HS6ST3: variants seen among roughly 807,000 people sequenced by gnomAD.
HS6ST3 encodes the protein heparan sulfate 6-O-sulfotransferase 3.
Under a neutral mutation model 36.7 loss-of-function variants are expected in HS6ST3, and 12 were observed. The ratio of observed to expected loss-of-function variants is 0.33; its 90% CI spans 0.21 to 0.53. The LOEUF (loss-of-function observed/expected upper bound fraction) is 0.53. Among genes scored for constraint, HS6ST3 ranks in the 20% least tolerant of loss-of-function variants. The pLI, the probability that HS6ST3 is intolerant of heterozygous loss-of-function variation, is 0.95. For missense variants in HS6ST3, 584 were observed against 640.9 expected (o/e 0.91, Z 0.96); for synonymous variants, 240 against 257.5 (o/e 0.93, Z 0.65).
chr13:96,713,156 C>G (rs1025671216), intron 1 of HS6ST3, among the ~76,000 whole-genome samples: 8 of 151,986 alleles, frequency 5.3e-5, no homozygotes, highest in African/African-American at 9.7e-5. Flanking sequence ...CACATCTGTC[C>G]CAAGCTACAA....
chr13:96,177,377 C>T (rs1333217131), intron 1 of HS6ST3, among the ~76,000 whole-genome samples: 1 of 152,080 alleles, frequency 6.6e-6, no homozygotes, highest in Non-Finnish European at 1.5e-5. Flanking sequence ...CACCTAAATG[C>T]CCATCAATGA....
intron 1 of HS6ST3, among the ~76,000 whole-genome samples, chr13:96,461,560 A>G (rs1338245234): frequency 6.6e-6 from 1 of 152,222 alleles, no homozygotes; most frequent in Non-Finnish European, 1.5e-5. Context: ...ACTGACAAAA[A>G]TATATTTTAA....
At chr13:96,165,818 C>T (rs1412559603) in intron 1 of HS6ST3, among the ~76,000 whole-genome samples, 1 of 152,092 alleles carries the variant, frequency 6.6e-6, no homozygotes, top group Non-Finnish European at 1.5e-5. Flanking sequence ...AGAATACGGT[C>T]CTCCCTTAGG....
At chr13:96,571,211 T>G (rs1367668177) in intron 1 of HS6ST3, among the ~76,000 whole-genome samples, 5 of 152,228 alleles carry the variant, frequency 3.3e-5, no homozygotes, top group Non-Finnish European at 7.3e-5. Flanking sequence ...GGCACGTTGG[T>G]CAACTCTGCT....
chr13:96,365,591 T>C (rs2055259133), intron 1 of HS6ST3, among the ~76,000 whole-genome samples: 1 of 152,248 alleles, frequency 6.6e-6, no homozygotes, highest in Non-Finnish European at 1.5e-5. Flanking sequence ...ACTTATATTC[T>C]ATGATTCTTC....
At chr13:96,184,945 T>A (rs1311148922) in intron 1 of HS6ST3, among the ~76,000 whole-genome samples, 1 of 152,202 alleles carries the variant, frequency 6.6e-6, no homozygotes, top group African/African-American at 2.4e-5. Flanking sequence ...AGATATTCAG[T>A]GAATTGACTG....
chr13:96,588,068 T>C (rs1048355085), intron 1 of HS6ST3, among the ~76,000 whole-genome samples: 1 of 152,192 alleles, frequency 6.6e-6, no homozygotes, highest in Non-Finnish European at 1.5e-5. Context: ...TCTTAGTCAA[T>C]AGAAAATGTT....
At chr13:96,378,075 T>C (rs1414751700) in intron 1 of HS6ST3, among the ~76,000 whole-genome samples, 3 of 152,270 alleles carry the variant, frequency 2.0e-5, no homozygotes, top group South Asian at 2.1e-4. Flanking sequence ...TTTGTCAGTA[T>C]TGGGGAAGGT....
At chr13:96,231,483 G>A (rs1025225512) in intron 1 of HS6ST3, among the ~76,000 whole-genome samples, 1 of 152,112 alleles carries the variant, frequency 6.6e-6, no homozygotes, top group African/African-American at 2.4e-5. Flanking sequence ...GGGGAAGCAG[G>A]TGTGTCTTAC....
At chr13:96,595,460 T>TTCTC (rs984709531) in intron 1 of HS6ST3, among the ~76,000 whole-genome samples, 1 of 151,320 alleles carries the variant, frequency 6.6e-6, no homozygotes, top group South Asian at 2.1e-4. Context: ...AGGATTTTTT[T>TTCTC]TCTCTCTCTC....
chr13:96,270,144 A>G (rs2054712809), intron 1 of HS6ST3, among the ~76,000 whole-genome samples: 1 of 151,848 alleles, frequency 6.6e-6, no homozygotes. Context: ...GAGACACCAC[A>G]GTGTGCTCTG....
chr13:96,467,472 C>A (rs1473577936), intron 1 of HS6ST3, among the ~76,000 whole-genome samples: 3 of 152,036 alleles, frequency 2.0e-5, no homozygotes, highest in African/African-American at 7.2e-5. Flanking sequence ...TGAATCTTTA[C>A]CTTAGTAGAG....
At chr13:96,550,334 C>T (rs895132571) in intron 1 of HS6ST3, among the ~76,000 whole-genome samples, 1 of 152,146 alleles carries the variant, frequency 6.6e-6, no homozygotes, top group African/African-American at 2.4e-5. Flanking sequence ...ATGTGACATG[C>T]CTGCCCCTCC....
chr13:96,721,822 T>C (rs1875855890), intron 1 of HS6ST3, among the ~76,000 whole-genome samples: 1 of 152,204 alleles, frequency 6.6e-6, no homozygotes, highest in Non-Finnish European at 1.5e-5. Flanking sequence ...GTGAAACTTA[T>C]GAATAGCTAA....
At chr13:96,181,868 C>T (rs1290969686) in intron 1 of HS6ST3, among the ~76,000 whole-genome samples, 2 of 152,084 alleles carry the variant, frequency 1.3e-5, no homozygotes, top group Non-Finnish European at 2.9e-5. Flanking sequence ...TTTTTTCTCC[C>T]CCCACTGCAG....
At chr13:96,531,123 A>C (rs958933217) in intron 1 of HS6ST3, among the ~76,000 whole-genome samples, 3 of 152,028 alleles carry the variant, frequency 2.0e-5, no homozygotes, top group Non-Finnish European at 4.4e-5. Context: ...CTCTCTCTCT[A>C]CACACTCTCC....
At chr13:96,225,827 A>G (rs1383363682) in intron 1 of HS6ST3, among the ~76,000 whole-genome samples, 4 of 152,212 alleles carry the variant, frequency 2.6e-5, no homozygotes, top group Non-Finnish European at 5.9e-5. Context: ...AATCGAAACT[A>G]AATTTCAACT....
chr13:96,361,080 G>T (rs1427883598), intron 1 of HS6ST3, among the ~76,000 whole-genome samples: 1 of 152,130 alleles, frequency 6.6e-6, no homozygotes, highest in Non-Finnish European at 1.5e-5. Context: ...AAAGGGTTAA[G>T]ATTACTAATT....
At chr13:96,509,136 G>A (rs1428322728) in intron 1 of HS6ST3, among the ~76,000 whole-genome samples, 1 of 151,968 alleles carries the variant, frequency 6.6e-6, no homozygotes, top group East Asian at 1.9e-4. Context: ...ATCGTTATTG[G>A]CCATTTGTAC....
Sources: gnomAD v4.1 joint callset for allele counts (sites outside exome capture counted in the v4.1 genomes callset) on GRCh38, gnomAD v4.1.1 for gene constraint, MANE v1.5 for transcripts, NCBI Gene and HGNC (gene_info 2026-07-23, HGNC 2026-07-21) for gene names.